The following ANAPC4 variants were observed in gnomAD, a reference collection of about 807,000 sequenced individuals.
ANAPC4 encodes the protein anaphase promoting complex subunit 4.
Under a neutral mutation model 119.8 loss-of-function variants are expected in ANAPC4, and 63 were observed. The observed-to-expected ratio is 0.53, with a 90% confidence interval of 0.43 to 0.65. The LOEUF (loss-of-function observed/expected upper bound fraction) is 0.65, where lower values mean the gene tolerates loss of function less well. Ranked by LOEUF, ANAPC4 falls within the 30% of genes least tolerant of loss-of-function variation. The pLI, the probability that ANAPC4 is intolerant of heterozygous loss-of-function variation, is 0.00. For synonymous variants in ANAPC4, 283 were observed against 318.6 expected (o/e 0.89, Z 1.19); for missense variants, 716 against 945.1 (o/e 0.76, Z 3.18).
At chr4:25,388,033 G>A (rs1018002918) in intron 4 of ANAPC4, among the ~76,000 whole-genome samples, 6 of 152,166 alleles carry the variant, frequency 3.9e-5, no homozygotes, top group Non-Finnish European at 8.8e-5. Flanking sequence ...GGAGGCTGGG[G>A]CAGGATGATG....
At position 25,407,165 on chromosome 4, in the gene ANAPC4, T is replaced by A. The variant is rs766091314; in HGVS notation, c.1375-32T>A. On this transcript the variant is annotated intron_variant, in intron 19 of 28. Coordinates refer to ENST00000315368, the MANE Select transcript of ANAPC4 (RefSeq NM_013367.3). Reference sequence around the variant, plus strand: ...AAGATATTTTTCTTCGTGAGTTGACTTAAGAATTAAACTATGTTTATTTTT... The same window carrying A: ...AAGATATTTTTCTTCGTGAGTTGACATAAGAATTAAACTATGTTTATTTTT... 3 of 1,557,498 alleles carry A rather than the reference T, an allele frequency of 1.9e-6. No individual in the cohort carries two copies. The South Asian group carries it at 3.5e-5, about 18-fold the overall frequency.
intron 17 of ANAPC4, among the ~76,000 whole-genome samples, chr4:25,403,307 A>G (rs867916889): frequency 2.6e-5 from 4 of 152,082 alleles, no homozygotes; most frequent in African/African-American, 7.2e-5. Flanking sequence ...TAATACATTC[A>G]TATAATTTGT....
intron 21 of ANAPC4, chr4:25,412,957 C>G (rs1007780603): frequency 2.0e-5 from 3 of 152,050 alleles, no homozygotes; most frequent in Admixed American, 6.6e-5. Flanking sequence ...GCCTACAAAG[C>G]ACAGTGGAAG....
intron 16 of ANAPC4, 95 bp from the exon 17 acceptor site, chr4:25,402,876 C>A: frequency 1.6e-6 from 1 of 627,006 alleles, no homozygotes; most frequent in Non-Finnish European, 2.6e-6. Context: ...TAAAATAGAA[C>A]AGTAAGGATT....
rs1323511492 is a variant in ANAPC4, at chr4:25,377,424, C to A, written c.-4C>A. 1.2e-6 allele frequency: 2 copies of A among 1,613,796 alleles called. No individual in the cohort carries two copies. The highest frequency in any genetic ancestry group is 1.7e-6 in the Non-Finnish European group (2 of 1,179,942). Reference sequence around the variant, plus strand: ...GACTGGGGTGTCGTTGCAGGGCCGTCCCCATGTTGCGTTTTCCGACCTGTT... The same window carrying A: ...GACTGGGGTGTCGTTGCAGGGCCGTACCCATGTTGCGTTTTCCGACCTGTT... On this transcript the variant is annotated 5_prime_UTR_variant, in exon 2 of 29. Coordinates refer to ENST00000315368, the MANE Select transcript of ANAPC4 (RefSeq NM_013367.3).
At chr4:25,395,200 G>A (rs1722579751) in intron 14 of ANAPC4, 1 of 222,562 alleles carries the variant, frequency 4.5e-6, no homozygotes, top group African/African-American at 2.3e-5. Flanking sequence ...TCTTTTTTTT[G>A]AGCAGTGAGA....
chr4:25,381,169 G>GTAAAA lies in ANAPC4; in HGVS notation c.235+693_235+697dup, dbSNP rs1397811730. On this transcript the variant is annotated intron_variant, in intron 3 of 28. Coordinates refer to ENST00000315368, the MANE Select transcript of ANAPC4 (RefSeq NM_013367.3). ...TTTAAGAAAAAAGTGAACTGTTTTT[G>GTAAAA]TAAAATATGTGTTGTTCTTTGCTTA... is the stretch of plus-strand genomic sequence containing the variant. Among the ~76,000 whole-genome samples, 6 of 152,268 alleles carry GTAAAA rather than the reference G, an allele frequency of 3.9e-5. No individual in the cohort carries two copies. In the South Asian group the frequency reaches 6.2e-4, roughly 16 times the overall value.
intron 4 of ANAPC4, among the ~76,000 whole-genome samples, chr4:25,388,140 A>G (rs995095896): frequency 2.0e-5 from 3 of 151,988 alleles, no homozygotes; most frequent in African/African-American, 2.4e-5. Context: ...AGATAGTGCT[A>G]CTCTTAGTAG....
chr4:25,400,155 T>C (rs751225143), intron 16 of ANAPC4, among the ~76,000 whole-genome samples: 178 of 152,084 alleles, frequency 1.2e-3, no homozygotes, highest in Non-Finnish European at 1.8e-3. Context: ...GAATGGCCAG[T>C]AGATGGAAGC....
At chr4:25,409,852 A>G in intron 21 of ANAPC4, 61 bp downstream of exon 21, 1 of 1,181,392 alleles carries the variant, frequency 8.5e-7, no homozygotes, top group Non-Finnish European at 1.3e-6. Flanking sequence ...TAGGTCTTGA[A>G]TAGTTCTGCT....
rs1486179320 is a variant in ANAPC4 at position 25,377,278 on chromosome 4, C to T, written c.-77C>T. The T allele has an allele frequency of 1.8e-6, 2 of 1,118,782 alleles. No homozygotes were observed. The highest frequency in any genetic ancestry group is 2.7e-5 in the East Asian group (1 of 36,368). The allele number at this position is 1,118,782 out of a possible 1,614,324, so 69.3% of individuals were successfully genotyped here. ...GCGGGGCGGCCTGGAGGCTGTGGCG[C>T]GCGGCCGGCAGAGGGAGGGGAGAGG... On this transcript the variant is annotated 5_prime_UTR_variant, in exon 1 of 29. Coordinates refer to ENST00000315368, the MANE Select transcript of ANAPC4 (RefSeq NM_013367.3).
In ANAPC4 at chr4:25,418,336, A is replaced by G; in HGVS notation, c.2381A>G (p.Glu794Gly). 1 of 1,614,084 alleles carries G rather than the reference A, an allele frequency of 6.2e-7. No individual in the cohort carries two copies. Among genetic ancestry groups the G allele is most frequent in the South Asian group, 1.1e-5 (1 of 91,088 alleles). Residue 794 changes from glutamate (E) to glycine (G), a missense_variant, in exon 29 of 29, where the codon GAG becomes GGG. By Grantham distance (98) the Glu-to-Gly change is moderately conservative (BLOSUM62 -2). Transcript: ENST00000315368. ...QQAGAAALAPEIVIKVEKLDP... is the reference protein window; with the variant it reads ...QQAGAAALAPGIVIKVEKLDP... ...GCTGGTGCTGCCGCTTTAGCTCCAG[A>G]GATAGTCATTAAAGTGGAAAAACTT...
chr4:25,385,401 T>C (rs538201209), intron 4 of ANAPC4, among the ~76,000 whole-genome samples: 5 of 152,238 alleles, frequency 3.3e-5, no homozygotes, highest in Non-Finnish European at 7.3e-5. Flanking sequence ...GTGTAACCAC[T>C]TTCTTCAGTG....
chr4:25,377,679 C>T, intron 2 of ANAPC4, 123 bp downstream of exon 2: 2 of 1,398,030 alleles, frequency 1.4e-6, no homozygotes, highest in Non-Finnish European at 1.9e-6. Flanking sequence ...CTTCTGCAGA[C>T]ATGGCTGGCC....
chr4:25,393,400 AC>A (rs1215261314), intron 10 of ANAPC4, among the ~76,000 whole-genome samples: 7 of 152,242 alleles, frequency 4.6e-5, no homozygotes, highest in Admixed American at 2.0e-4. Context: ...AGTGGCGCAC[AC>A]CTATAATCCC....
intron 2 of ANAPC4, 40 bp from the exon 3 acceptor site, chr4:25,380,334 G>A (rs1721643192): frequency 1.3e-6 from 2 of 1,508,380 alleles, no homozygotes; most frequent in African/African-American, 2.8e-5. Context: ...TTTTGGAAAT[G>A]AATTTTTAAT....
intron 21 of ANAPC4, 112 bp from the exon 22 acceptor site, chr4:25,413,533 T>G: frequency 1.5e-6 from 1 of 670,654 alleles, no homozygotes. Flanking sequence ...TCAGTGAAAA[T>G]TCTACCTCGA....
At chr4:25,418,001 C>A in intron 28 of ANAPC4, 154 bp from the exon 29 acceptor site, 2 of 891,400 alleles carry the variant, frequency 2.2e-6, no homozygotes, top group South Asian at 1.9e-5. Context: ...TCTTTTTATA[C>A]AAAATGAAGG....
In ANAPC4 at chr4:25,390,968, G is replaced by A. The variant is rs774402467; in HGVS notation, c.658G>A (p.Val220Ile). 5.0e-6 allele frequency: 8 copies of A among 1,613,900 alleles called. No individual in the cohort carries two copies. Among genetic ancestry groups the A allele is most frequent in the Non-Finnish European group, 6.8e-6 (8 of 1,179,904 alleles). The change falls in exon 9 of 29, where the codon GTC (valine) becomes ATC (isoleucine). Residue 220 changes from valine (V) to isoleucine (I), a missense_variant. Around this residue, in one of 3 missense-constraint regions of ANAPC4, gnomAD observed 202 missense variants for 293.5 expected, o/e 0.69. Coordinates refer to ENST00000315368, the MANE Select transcript of ANAPC4 (RefSeq NM_013367.3). ...AAGTGATTTGAAATCATTATCAGTG[G>A]TCACAGAAGTCTCTACCAATGGTGC... ...LSSDLKSLSV[V>I]TEVSTNGASE...
Sources: allele counts gnomAD v4.1 joint callset (sites outside exome capture counted in the v4.1 genomes callset), GRCh38; gene constraint gnomAD v4.1.1; regional missense constraint gnomAD v4.1.1; transcripts MANE v1.5; gene names NCBI Gene and HGNC (gene_info 2026-07-23, HGNC 2026-07-21).